SLC7A5: variants seen among roughly 807,000 people sequenced by gnomAD.
SLC7A5 encodes the protein solute carrier family 7 member 5.
Under a neutral mutation model 50.2 loss-of-function variants are expected in SLC7A5, and 23 were observed. That is an observed-to-expected ratio of 0.46 (90% CI 0.33 to 0.65). The LOEUF is 0.65. Among genes scored for constraint, SLC7A5 ranks in the 30% least tolerant of loss-of-function variants. The pLI is 0.02. For synonymous variants in SLC7A5, 393 were observed against 330.6 expected (o/e 1.19, Z -2.05); for missense variants, 578 against 684.4 (o/e 0.84, Z 1.73).
chr16:87,834,231 C>A (rs980482675), intron 9 of SLC7A5, among the ~76,000 whole-genome samples, 183 bp downstream of exon 9: 3 of 152,212 alleles, frequency 2.0e-5, no homozygotes, highest in Non-Finnish European at 1.5e-5. Flanking sequence ...GCTGGTGCTG[C>A]GCTGTGTGTC....
intron 2 of SLC7A5, among the ~76,000 whole-genome samples, chr16:87,842,273 G>A (rs956256618): frequency 3.3e-5 from 5 of 152,210 alleles, no homozygotes; most frequent in Admixed American, 6.5e-5. Flanking sequence ...TCACCAGCCC[G>A]TCTCACAGGG....
At chr16:87,866,061 G>C (rs961449225) in intron 1 of SLC7A5, among the ~76,000 whole-genome samples, 2 of 151,856 alleles carry the variant, frequency 1.3e-5, no homozygotes, top group African/African-American at 4.8e-5. Context: ...TTTGCACAAA[G>C]CTGGGAAACC....
At chr16:87,865,452 T>C (rs2055448707) in intron 1 of SLC7A5, among the ~76,000 whole-genome samples, 1 of 152,198 alleles carries the variant, frequency 6.6e-6, no homozygotes, top group African/African-American at 2.4e-5. Context: ...CTCAAGCCTG[T>C]AATCCCAGCA....
At chr16:87,856,060 C>G (rs917548649) in intron 1 of SLC7A5, among the ~76,000 whole-genome samples, 3 of 152,192 alleles carry the variant, frequency 2.0e-5, no homozygotes. Flanking sequence ...ATGATCCTCC[C>G]GGGCCCCTTC....
rs545956029 is a variant in SLC7A5, at chr16:87,862,001, G to A, written c.538+6884C>T. ...GGGGCCCACCCAGCTCCTTAAACAC[G>A]CAGAACCTTTGCCAGCTGAGCCAGG... On this transcript the variant is annotated intron_variant, in intron 1 of 9. Coordinates refer to ENST00000261622, the MANE Select transcript of SLC7A5 (RefSeq NM_003486.7). The surrounding 1 kb of genome is among the most constrained non-coding windows in gnomAD (Gnocchi z 5.3). Among the ~76,000 whole-genome samples, 45 of 152,302 alleles carry A rather than the reference G, an allele frequency of 3.0e-4. No homozygotes were observed. Among genetic ancestry groups the A allele is most frequent in the Non-Finnish European group, 4.3e-4 (29 of 68,034 alleles).
intron 2 of SLC7A5, among the ~76,000 whole-genome samples, chr16:87,845,046 G>A (rs866669618): frequency 3.3e-5 from 5 of 152,174 alleles, no homozygotes; most frequent in Admixed American, 6.5e-5. Context: ...CTGGAGCCAC[G>A]GGCAGCTGGA....
intron 1 of SLC7A5, among the ~76,000 whole-genome samples, chr16:87,859,666 C>A (rs911697868): frequency 2.0e-5 from 3 of 152,290 alleles, no homozygotes; most frequent in Admixed American, 1.3e-4. Context: ...CTTGGCCTGG[C>A]TCAGTGGCTC....
Position 87,832,919 on chromosome 16 carries a change from A to T in SLC7A5, c.*51T>A. 1 of 1,483,134 alleles carries T rather than the reference A, an allele frequency of 6.7e-7. No individual in the cohort carries two copies. The highest frequency in any genetic ancestry group is 9.4e-7 in the Non-Finnish European group (1 of 1,061,328). The allele number at this position is 1,483,134 out of a possible 1,614,324, so 91.9% of individuals were successfully genotyped here. On this transcript the variant is annotated 3_prime_UTR_variant, in exon 10 of 10. Transcript: ENST00000261622. This position sits in a 1 kb window ranked among gnomAD's most constrained non-coding sequence, Gnocchi z 4.6. ...CGGAGTGGGTTCGAGGAGGTGATCT[A>T]CTTTAACTGGCCTCTGCGCATGCTC...
rs551296088 is a variant in SLC7A5 at position 87,853,435 on chromosome 16, T to C, written c.539-1586A>G. Among the ~76,000 whole-genome samples the C allele has an allele frequency of 6.6e-5, 10 of 152,120 alleles. No homozygotes were observed. The highest frequency in any genetic ancestry group is 1.3e-4 in the Non-Finnish European group (9 of 68,022). The stretch of plus-strand genomic sequence containing the variant: ...TTTCGCTGCTATTCCTAAAATAAAA[T>C]ACTTGAAATTCCGGAACTTCCACTC... On this transcript the variant is annotated intron_variant, in intron 1 of 9. Coordinates refer to ENST00000261622, the MANE Select transcript of SLC7A5 (RefSeq NM_003486.7). This position sits in a 1 kb window ranked among gnomAD's most constrained non-coding sequence, Gnocchi z 4.4.
chr16:87,836,660 G>A lies in SLC7A5; in HGVS notation c.1141-13C>T, dbSNP rs1198619342. ...GCGTCATCACACACTGGAAGAGAGA[G>A]GCGGCTGGCTGAGCCCTGGGGCCCA... On this transcript the variant is annotated splice_polypyrimidine_tract_variant and intron_variant, in intron 7 of 9. Coordinates refer to ENST00000261622, the MANE Select transcript of SLC7A5 (RefSeq NM_003486.7). The A allele has an allele frequency of 6.2e-7, 1 of 1,610,664 alleles. No individual in the cohort carries two copies. Among genetic ancestry groups the A allele is most frequent in the East Asian group, 2.2e-5 (1 of 44,880 alleles).
intron 4 of SLC7A5, 65 bp downstream of exon 4, chr16:87,840,364 G>C (rs999695073): frequency 4.9e-5 from 69 of 1,396,352 alleles, no homozygotes; most frequent in Non-Finnish European, 6.5e-5. Context: ...CGAGTGGAAT[G>C]TGGCTGCTTC....
intron 1 of SLC7A5, among the ~76,000 whole-genome samples, chr16:87,864,500 C>T (rs564321197): frequency 6.6e-6 from 1 of 152,130 alleles, no homozygotes; most frequent in South Asian, 2.1e-4. Context: ...CTTCCCGGGA[C>T]ATCCACTGCC....
In SLC7A5 at chr16:87,838,795, C is replaced by T; in HGVS notation, c.962G>A (p.Gly321Asp). The stretch of plus-strand genomic sequence containing the variant: ...GACGGGGATGATCCAGGACATGACG[C>T]CCAGGTGATAGTTCCCGAAGTCCTA... ...VAVDFGNYHL[G>D]VMSWIIPVFV... is the part of the protein sequence containing the mutation. The change falls in exon 6 of 10, where the codon GGC (glycine) becomes GAC (aspartate). Residue 321 changes from glycine to aspartate, a missense_variant. By Grantham distance (94) the Gly-to-Asp change is moderately conservative. Transcript: ENST00000261622. 6.2e-7 allele frequency: 1 copy of T among 1,614,006 alleles called. No individual in the cohort carries two copies. Among genetic ancestry groups the T allele is most frequent in the Non-Finnish European group, 8.5e-7 (1 of 1,179,996 alleles).
At position 87,860,565 on chromosome 16, in the gene SLC7A5, C is replaced by G. The variant is rs2055384930; in HGVS notation, c.538+8320G>C. ...TCCTTGTAGGAGGTATGAACTCCAG[C>G]TGTGGCCCACCCCCTGGGGCACATG... On this transcript the variant is annotated intron_variant, in intron 1 of 9. Transcript: ENST00000261622. This position sits in a 1 kb window ranked among gnomAD's most constrained non-coding sequence, Gnocchi z 4.8. Among the ~76,000 whole-genome samples, 1 of 148,558 alleles carries G rather than the reference C, an allele frequency of 6.7e-6. No individual in the cohort carries two copies.
Position 87,853,332 on chromosome 16 carries a change from C to G in SLC7A5, c.539-1483G>C, listed in dbSNP as rs1347889818. 6.6e-6 allele frequency among the ~76,000 whole-genome samples: 1 copy of G among 152,230 alleles called. No individual in the cohort carries two copies. Among genetic ancestry groups the G allele is most frequent in the Non-Finnish European group, 1.5e-5 (1 of 68,042 alleles). Reference sequence around the variant, plus strand: ...CTCTCAGAAATTAACCACCCCGCTACAATTCTGTGGATGCCAGAGCGGAGA... The same window carrying G: ...CTCTCAGAAATTAACCACCCCGCTAGAATTCTGTGGATGCCAGAGCGGAGA... On this transcript the variant is annotated intron_variant, in intron 1 of 9. Coordinates refer to ENST00000261622, the MANE Select transcript of SLC7A5 (RefSeq NM_003486.7). The surrounding 1 kb of genome is among the most constrained non-coding windows in gnomAD (Gnocchi z 4.4).
rs889063363 is a variant in SLC7A5 at position 87,852,868 on chromosome 16, C to T, written c.539-1019G>A. On this transcript the variant is annotated intron_variant, in intron 1 of 9. Transcript: ENST00000261622. The surrounding 1 kb of genome is among the most constrained non-coding windows in gnomAD (Gnocchi z 4.5). ...AAATGAAGTAAAATCATATTAATCC[C>T]GAGGCACTGACTCCACGACACCCCT... Among the ~76,000 whole-genome samples, 11 of 152,004 alleles carry T rather than the reference C, an allele frequency of 7.2e-5. No homozygotes were observed. Among genetic ancestry groups the T allele is most frequent in the East Asian group, 3.9e-4 (2 of 5,190 alleles).
In SLC7A5 at chr16:87,831,965, C is replaced by G; in HGVS notation, c.*1005G>C. The G allele has an allele frequency of 6.5e-6, 1 of 153,140 alleles. No homozygotes were observed. Among genetic ancestry groups the G allele is most frequent in the East Asian group, 1.9e-4 (1 of 5,186 alleles). 9.5% of individuals were successfully genotyped at this position (153,140 alleles called of 1,614,324 possible). On this transcript the variant is annotated 3_prime_UTR_variant, in exon 10 of 10. Transcript: ENST00000261622. ...CAGGGAGAGCGGGGAGGTGCCTAGG[C>G]CGGGAGTGGGAACCCAGCACCGGCC...
rs750194676 is a variant in SLC7A5 at position 87,841,008 on chromosome 16, G to C, written c.770+42C>G. The C allele has an allele frequency of 1.2e-5, 16 of 1,377,006 alleles. No homozygotes were observed. The highest frequency in any genetic ancestry group is 4.1e-6 in the Non-Finnish European group (4 of 965,116). The allele number at this position is 1,377,006 out of a possible 1,614,324, so 85.3% of individuals were successfully genotyped here. On this transcript the variant is annotated intron_variant, in intron 3 of 9. Transcript: ENST00000261622. This position sits in a 1 kb window ranked among gnomAD's most constrained non-coding sequence, Gnocchi z 4.8. ...GGGATTCCTGGACACGTCAGGGACT[G>C]TATGTCCCCAGACCAAGGGACCCAG... is the stretch of plus-strand genomic sequence containing the variant.
At chr16:87,868,379 T>C (rs1392391231) in intron 1 of SLC7A5, among the ~76,000 whole-genome samples, 1 of 152,180 alleles carries the variant, frequency 6.6e-6, no homozygotes, top group Non-Finnish European at 1.5e-5. Context: ...GCACACGATG[T>C]TATTACTACT....
Sources: gnomAD v4.1 joint callset for allele counts (sites outside exome capture counted in the v4.1 genomes callset) on GRCh38, gnomAD v4.1.1 for gene constraint, Gnocchi (gnomAD v3.1) non-coding constraint, MANE v1.5 for transcripts, NCBI Gene and HGNC (gene_info 2026-07-23, HGNC 2026-07-21) for gene names.